GRIK2: variants seen among roughly 807,000 people sequenced by gnomAD.
The protein encoded by GRIK2 is glutamate receptor ionotropic, kainate 2.
Under a neutral mutation model 100.3 loss-of-function variants are expected in GRIK2, and 32 were observed. The observed-to-expected ratio is 0.32, with a 90% confidence interval of 0.24 to 0.43. GRIK2 has a LOEUF of 0.43. GRIK2 is among the 20% of genes least tolerant of loss of function. The pLI is 1.00. For synonymous variants in GRIK2, 417 were observed against 389.4 expected (o/e 1.07, Z -0.83); for missense variants, 843 against 1,114.9 (o/e 0.76, Z 3.47).
chr6:101,639,100 C>T (rs1033726761), intron 4 of GRIK2, among the ~76,000 whole-genome samples: 8 of 152,060 alleles, frequency 5.3e-5, no homozygotes, highest in African/African-American at 1.7e-4. Flanking sequence ...AATGCAGTGG[C>T]GCAATCTCGG....
Position 101,626,590 on chromosome 6 carries a change from AGTTT to A in GRIK2, c.495_498del (p.Gln165HisfsTer50). The A allele has an allele frequency of 6.2e-7, 1 of 1,613,880 alleles. No homozygotes were observed. The highest frequency in any genetic ancestry group is 8.5e-7 in the Non-Finnish European group (1 of 1,179,812). On this transcript the variant is annotated frameshift_variant, in exon 4 of 17. Transcript: ENST00000369134. LOFTEE classifies it high-confidence loss of function. ...AGCCGTGCCATTTTAGACCTGGTGCAGTTTTTCAAGTGGAAAACCGTCACGGTTG... is the reference window on the plus strand; with the variant it reads ...AGCCGTGCCATTTTAGACCTGGTGCATTCAAGTGGAAAACCGTCACGGTTG...
chr6:101,591,283 C>A (rs1778626461), intron 2 of GRIK2, among the ~76,000 whole-genome samples: 1 of 150,876 alleles, frequency 6.6e-6, no homozygotes, highest in South Asian at 2.1e-4. Context: ...CTTAGTATTT[C>A]TCTCCTTTTT....
In GRIK2 at chr6:101,836,612, T is replaced by C. The variant is rs567161337; in HGVS notation, c.1317+18129T>C. On this transcript the variant is annotated intron_variant, in intron 10 of 16. Transcript: ENST00000369134. ...CTCCTTTTTGGGGCTTGTTGCTATATATATAGTTATATATATATATATATG... is the reference window on the plus strand; with the variant it reads ...CTCCTTTTTGGGGCTTGTTGCTATACATATAGTTATATATATATATATATG... Among the ~76,000 whole-genome samples the C allele has an allele frequency of 4.1e-3, 528 of 129,544 alleles. 5 individuals are homozygous for C. Among genetic ancestry groups the C allele is most frequent in the African/African-American group, 0.015 (502 of 34,506 alleles). The allele number at this position is 129,544 out of a possible 152,430, so 85.0% of individuals were successfully genotyped here. A position where few individuals can be genotyped will look rare whatever the true frequency, so the allele number is the denominator to read the frequency against.
chr6:102,012,974 T>C (rs1004633505), intron 14 of GRIK2, among the ~76,000 whole-genome samples: 1 of 152,174 alleles, frequency 6.6e-6, no homozygotes, highest in Non-Finnish European at 1.5e-5. Context: ...CTGTGAAGAA[T>C]GTTATTAGTA....
At chr6:101,730,044 A>G (rs958287666) in intron 7 of GRIK2, among the ~76,000 whole-genome samples, 25 of 152,056 alleles carry the variant, frequency 1.6e-4, no homozygotes, top group Admixed American at 7.2e-4. Flanking sequence ...ATAAAATATA[A>G]TTTAAAGGCT....
intron 4 of GRIK2, among the ~76,000 whole-genome samples, chr6:101,660,135 C>T (rs1265104965): frequency 2.0e-5 from 3 of 152,166 alleles, no homozygotes; most frequent in Non-Finnish European, 2.9e-5. Context: ...GGTTTTCTCA[C>T]ATTGTTCCAT....
At chr6:101,593,619 G>C (rs926219057) in intron 2 of GRIK2, among the ~76,000 whole-genome samples, 1 of 151,840 alleles carries the variant, frequency 6.6e-6, no homozygotes, top group Non-Finnish European at 1.5e-5. Context: ...TAGAAAGGCA[G>C]TCAACAGATT....
intron 2 of GRIK2, among the ~76,000 whole-genome samples, chr6:101,590,174 T>C (rs371946782): frequency 3.9e-5 from 6 of 152,230 alleles, no homozygotes; most frequent in South Asian, 4.1e-4. Context: ...CCAAAGTTAA[T>C]TCTGTGATGG....
intron 14 of GRIK2, among the ~76,000 whole-genome samples, chr6:102,032,605 A>G (rs1030083675): frequency 1.3e-5 from 2 of 151,270 alleles, no homozygotes; most frequent in African/African-American, 4.8e-5. Context: ...TATCCCTCCC[A>G]TCGAGTTCAT....
At chr6:101,846,407 AG>A (rs1783814422) in intron 10 of GRIK2, among the ~76,000 whole-genome samples, 4 of 152,232 alleles carry the variant, frequency 2.6e-5, no homozygotes. Flanking sequence ...CCTTTGTTCA[AG>A]AGATGATTCT....
intron 7 of GRIK2, among the ~76,000 whole-genome samples, chr6:101,782,423 T>C (rs1271836490): frequency 2.0e-5 from 3 of 152,110 alleles, no homozygotes; most frequent in Non-Finnish European, 4.4e-5. Flanking sequence ...AGACCAACCT[T>C]TCCATAGCCC....
chr6:101,858,375 T>C (rs774901509), intron 10 of GRIK2, among the ~76,000 whole-genome samples: 4 of 44,878 alleles, frequency 8.9e-5, no homozygotes, highest in Admixed American at 3.3e-4. Context: ...TCTCTCTCTC[T>C]ATTTTTTTTT....
At position 101,733,708 on chromosome 6, in the gene GRIK2, C is replaced by CTTTTTTTTTTTTTTTT. The variant is rs34438783; in HGVS notation, c.951+47364_951+47379dup. 4.8e-4 allele frequency among the ~76,000 whole-genome samples: 40 copies of CTTTTTTTTTTTTTTTT among 83,934 alleles called. 1 individual carries two copies. The highest frequency in any genetic ancestry group is 8.1e-4 in the South Asian group (2 of 2,464). The allele number at this position is 83,934 out of a possible 152,430, so 55.1% of individuals were successfully genotyped here. A position where few individuals can be genotyped will look rare whatever the true frequency, so the allele number is the denominator to read the frequency against. On this transcript the variant is annotated intron_variant, in intron 7 of 16. Coordinates refer to ENST00000369134, the MANE Select transcript of GRIK2 (RefSeq NM_021956.5). ...CAAATTCCTGATTTAATTCCTCTTT[C>CTTTTTTTTTTTTTTTT]TTTTTTTTTTTTTTTTTTTTTTTTG...
chr6:101,498,796 A>C (rs537811992), intron 2 of GRIK2, among the ~76,000 whole-genome samples: 5 of 152,208 alleles, frequency 3.3e-5, no homozygotes, highest in Admixed American at 3.3e-4. Flanking sequence ...AGATTGCAAA[A>C]ATTGTCTCCC....
At chr6:101,865,468 G>T (rs1258081434) in intron 11 of GRIK2, among the ~76,000 whole-genome samples, 1 of 152,094 alleles carries the variant, frequency 6.6e-6, no homozygotes, top group African/African-American at 2.4e-5. Context: ...CACAAAAATG[G>T]AAACACTAAA....
intron 9 of GRIK2, among the ~76,000 whole-genome samples, chr6:101,812,477 AT>A (rs1449061306): frequency 5.3e-5 from 8 of 151,860 alleles, no homozygotes; most frequent in Admixed American, 5.3e-4. Context: ...AAAATAAAAC[AT>A]TTATTTCTGT....
intron 14 of GRIK2, among the ~76,000 whole-genome samples, chr6:101,936,092 G>A (rs571074375): frequency 3.8e-4 from 57 of 151,710 alleles, no homozygotes; most frequent in Non-Finnish European, 1.9e-4. Context: ...GCTTTAATGA[G>A]TTAAACAAAA....
intron 2 of GRIK2, among the ~76,000 whole-genome samples, chr6:101,617,789 T>A (rs144995966): frequency 1.4e-3 from 212 of 151,906 alleles, no homozygotes; most frequent in African/African-American, 4.9e-3. Flanking sequence ...TTGACTGCCA[T>A]TTTCTTTTTT....
At chr6:101,627,302 T>G (rs1382877490) in intron 4 of GRIK2, among the ~76,000 whole-genome samples, 2 of 152,092 alleles carry the variant, frequency 1.3e-5, no homozygotes, top group East Asian at 3.9e-4. Context: ...CCACCACTTC[T>G]GGCTAATTTT....
Sources: allele counts gnomAD v4.1 joint callset (sites outside exome capture counted in the v4.1 genomes callset), GRCh38; gene constraint gnomAD v4.1.1; transcripts MANE v1.5; gene names NCBI Gene and HGNC (gene_info 2026-07-23, HGNC 2026-07-21).